The following ABCD2 variants were observed in gnomAD, a reference collection of about 807,000 sequenced individuals.
ABCD2 encodes the protein ATP-binding cassette sub-family D member 2.
In ABCD2, 36 loss-of-function variants were observed where a neutral mutation model predicts 70.9. That is an observed-to-expected ratio of 0.51 (90% CI 0.39 to 0.67). ABCD2 has a LOEUF of 0.67. ABCD2 is among the 30% of genes least tolerant of loss of function. The pLI, the probability that ABCD2 is intolerant of heterozygous loss-of-function variation, is 0.00. For synonymous variants in ABCD2, 304 were observed against 306.9 expected (o/e 0.99, Z 0.10); for missense variants, 729 against 890.2 (o/e 0.82, Z 2.30).
chr12:39,567,548 G>A (rs989294175), intron 9 of ABCD2, among the ~76,000 whole-genome samples: 34 of 152,242 alleles, frequency 2.2e-4, no homozygotes, highest in African/African-American at 7.9e-4. Context: ...TGGGTCTGGG[G>A]AATACAGCAC....
intron 9 of ABCD2, among the ~76,000 whole-genome samples, chr12:39,571,343 A>T (rs1941445867): frequency 6.6e-6 from 1 of 152,206 alleles, no homozygotes; most frequent in Non-Finnish European, 1.5e-5. Context: ...GGATGAAAAG[A>T]TAAAGAATGT....
At chr12:39,588,291 A>AC (rs556012133) in intron 6 of ABCD2, among the ~76,000 whole-genome samples, 3 of 151,762 alleles carry the variant, frequency 2.0e-5, no homozygotes, top group South Asian at 2.1e-4. Context: ...CTTAATCCAG[A>AC]CCCCCCCATA....
At chr12:39,584,394 T>C (rs901126432) in intron 7 of ABCD2, among the ~76,000 whole-genome samples, 10 of 152,218 alleles carry the variant, frequency 6.6e-5, no homozygotes, top group African/African-American at 2.2e-4. Flanking sequence ...TTTGTTTAAG[T>C]ACCTTATAGA....
Position 39,619,627 on chromosome 12 carries a change from C to G in ABCD2, c.-12G>C. The G allele has an allele frequency of 6.3e-7, 1 of 1,591,730 alleles. No individual in the cohort carries two copies. Among genetic ancestry groups the G allele is most frequent in the Non-Finnish European group, 8.5e-7 (1 of 1,173,242 alleles). On this transcript the variant is annotated 5_prime_UTR_variant, in exon 1 of 10. Transcript: ENST00000308666. Reference sequence around the variant, plus strand: ...AGCATATGTGTCATTTTCCCAGTTACCCAAACCGGCTTCCAAAAGAATTCG... The same window carrying G: ...AGCATATGTGTCATTTTCCCAGTTAGCCAAACCGGCTTCCAAAAGAATTCG...
At chr12:39,615,154 T>C (rs1199533958) in intron 2 of ABCD2, among the ~76,000 whole-genome samples, 1 of 152,008 alleles carries the variant, frequency 6.6e-6, no homozygotes, top group Non-Finnish European at 1.5e-5. Context: ...GGTTAATTTG[T>C]CACCATTTAA....
At position 39,565,994 on chromosome 12, in the gene ABCD2, G is replaced by A. The variant is rs905242658; in HGVS notation, c.2003+7722C>T. Among the ~76,000 whole-genome samples, 48 of 152,138 alleles carry A rather than the reference G, an allele frequency of 3.2e-4. 1 individual carries two copies. The highest frequency in any genetic ancestry group is 5.9e-5 in the Non-Finnish European group (4 of 68,024). ...GGGATGAAGCCCACTTGATCATGGT[G>A]GATAAGCTTTTTGATGTGCTGCTGG... On this transcript the variant is annotated intron_variant, in intron 9 of 9. Coordinates refer to ENST00000308666, the MANE Select transcript of ABCD2 (RefSeq NM_005164.4).
At chr12:39,592,229 A>G (rs1249234165) in intron 6 of ABCD2, among the ~76,000 whole-genome samples, 1 of 152,224 alleles carries the variant, frequency 6.6e-6, no homozygotes, top group Admixed American at 6.5e-5. Context: ...AATGCTACTA[A>G]GCCTTCCTTG....
At chr12:39,566,528 C>T (rs1488236151) in intron 9 of ABCD2, among the ~76,000 whole-genome samples, 7 of 151,934 alleles carry the variant, frequency 4.6e-5, no homozygotes, top group African/African-American at 1.7e-4. Flanking sequence ...CTTTTCTTCT[C>T]TATTAGTCTT....
intron 8 of ABCD2, among the ~76,000 whole-genome samples, chr12:39,576,950 C>A (rs894085498): frequency 6.6e-6 from 1 of 151,588 alleles, no homozygotes; most frequent in African/African-American, 2.4e-5. Context: ...TATAGTAATA[C>A]AGAAAAGCAC....
At chr12:39,612,489 T>C (rs746371692) in intron 2 of ABCD2, among the ~76,000 whole-genome samples, 3 of 152,218 alleles carry the variant, frequency 2.0e-5, no homozygotes, top group Non-Finnish European at 4.4e-5. Flanking sequence ...GTATGTATTA[T>C]ATAATACTAT....
At position 39,571,471 on chromosome 12, in the gene ABCD2, A is replaced by T. The variant is rs59927245; in HGVS notation, c.2003+2245T>A. Among the ~76,000 whole-genome samples, 400 of 152,296 alleles carry T rather than the reference A, an allele frequency of 2.6e-3. 2 individuals are homozygous for T. Among genetic ancestry groups the T allele is most frequent in the African/African-American group, 9.1e-3 (379 of 41,566 alleles). On this transcript the variant is annotated intron_variant, in intron 9 of 9. Coordinates refer to ENST00000308666, the MANE Select transcript of ABCD2 (RefSeq NM_005164.4). ...GTAAGTGAAATAAGCTAGACACAGA[A>T]AGACAAATACCACATGATCTCACTC... is the stretch of plus-strand genomic sequence containing the variant.
At chr12:39,586,430 C>A in intron 6 of ABCD2, 133 bp from the exon 7 acceptor site, 1 of 825,198 alleles carries the variant, frequency 1.2e-6, no homozygotes. Flanking sequence ...TGTTACCTGG[C>A]GATGAGTACT....
chr12:39,588,777 T>G (rs1219788759), intron 6 of ABCD2, among the ~76,000 whole-genome samples: 1 of 149,916 alleles, frequency 6.7e-6, no homozygotes, highest in Non-Finnish European at 1.5e-5. Context: ...AAAGCAATAG[T>G]CTGGCATTCT....
chr12:39,573,527 G>C (rs951504121), intron 9 of ABCD2, among the ~76,000 whole-genome samples, 189 bp downstream of exon 9: 78 of 152,160 alleles, frequency 5.1e-4, no homozygotes, highest in African/African-American at 1.8e-3. Context: ...GGAAACTGAT[G>C]ATAATTCAAA....
rs538392388 is a variant in ABCD2, at chr12:39,567,294, G to A, written c.2003+6422C>T. ...TCTCTTTCTAGGTCTCTGAGGACTT[G>A]CTTTATGCATCTGGGTGCTTCTGTA... On this transcript the variant is annotated intron_variant, in intron 9 of 9. Transcript: ENST00000308666. Among the ~76,000 whole-genome samples, 310 of 152,310 alleles carry A rather than the reference G, an allele frequency of 2.0e-3. 3 individuals are homozygous for A. The highest frequency in any genetic ancestry group is 6.7e-3 in the African/African-American group (279 of 41,562).
Position 39,617,003 on chromosome 12 carries a change from C to A in ABCD2, c.1105G>T (p.Gly369Cys). 1 of 1,592,020 alleles carries A rather than the reference C, an allele frequency of 6.3e-7. No individual in the cohort carries two copies. Among genetic ancestry groups the A allele is most frequent in the Non-Finnish European group, 8.5e-7 (1 of 1,172,636 alleles). The change falls in exon 2 of 10, where the codon GGC becomes TGC. Residue 369 changes from glycine (G) to cysteine (C), a missense_variant. By Grantham distance (159) the Gly-to-Cys change is radical (BLOSUM62 -3). Coordinates refer to ENST00000308666, the MANE Select transcript of ABCD2 (RefSeq NM_005164.4). ...ATGTCATTACCACCATCTGCAAAGCCAGTTGCAGTGATAATAGGTATAGCC... is the reference window on the plus strand; with the variant it reads ...ATGTCATTACCACCATCTGCAAAGCAAGTTGCAGTGATAATAGGTATAGCC... ...MVAIPIITAT[G>C]FADGEDGQKQ...
At chr12:39,559,741 G>GA (rs934359265) in intron 9 of ABCD2, among the ~76,000 whole-genome samples, 110 of 152,242 alleles carry the variant, frequency 7.2e-4, no homozygotes, top group African/African-American at 2.5e-3. Context: ...GTGCTGAAGG[G>GA]AAAAAACCTT....
chr12:39,611,372 C>T (rs1197419106), intron 2 of ABCD2, among the ~76,000 whole-genome samples: 4 of 151,800 alleles, frequency 2.6e-5, no homozygotes, highest in Admixed American at 2.0e-4. Flanking sequence ...TTTTGTAAAC[C>T]TAAAACTTAC....
rs554186924 is a variant in ABCD2, at chr12:39,558,611, G to A, written c.2004-4480C>T. Among the ~76,000 whole-genome samples, 7 of 152,232 alleles carry A rather than the reference G, an allele frequency of 4.6e-5. No homozygotes were observed. The South Asian group carries it at 8.3e-4, about 18-fold the overall frequency. On this transcript the variant is annotated intron_variant, in intron 9 of 9. Coordinates refer to ENST00000308666, the MANE Select transcript of ABCD2 (RefSeq NM_005164.4). Reference sequence around the variant, plus strand: ...GATCTGATGGTATTATAAGTGTTTTGTAGTTCCTCCTGAGTTCATTCTCCT... The same window carrying A: ...GATCTGATGGTATTATAAGTGTTTTATAGTTCCTCCTGAGTTCATTCTCCT...
Sources: gnomAD v4.1 joint callset for allele counts (sites outside exome capture counted in the v4.1 genomes callset) on GRCh38, gnomAD v4.1.1 for gene constraint, MANE v1.5 for transcripts, NCBI Gene and HGNC (gene_info 2026-07-23, HGNC 2026-07-21) for gene names.